The following ST6GALNAC3 variants were observed in gnomAD, a reference collection of about 807,000 sequenced individuals.
ST6GALNAC3 encodes ST6 N-acetylgalactosaminide alpha-2,6-sialyltransferase 3.
ST6GALNAC3 carries 25 observed loss-of-function variants against 32.7 expected under a neutral mutation model. The observed-to-expected ratio is 0.76, with a 90% CI of 0.56 to 1.07. The LOEUF is 1.07. Among genes scored for constraint, ST6GALNAC3 ranks in the 50% least tolerant of loss-of-function variants. ST6GALNAC3 has a pLI of 0.00. For missense variants in ST6GALNAC3, 355 were observed against 382.4 expected (o/e 0.93, Z 0.60); for synonymous variants, 129 against 133.1 (o/e 0.97, Z 0.21).
chr1:76,478,760 C>CTTTTTTTTTTTTT (rs397861238), intron 3 of ST6GALNAC3, among the ~76,000 whole-genome samples: 1 of 109,088 alleles, frequency 9.2e-6, no homozygotes, highest in Admixed American at 1.0e-4. Context: ...TTTATTAATT[C>CTTTTTTTTTTTTT]TTTTTTTTTT....
chr1:76,224,173 C>T (rs1044419219), intron 1 of ST6GALNAC3, among the ~76,000 whole-genome samples: 5 of 152,166 alleles, frequency 3.3e-5, no homozygotes, highest in African/African-American at 1.2e-4. Flanking sequence ...TTAGCTTTGC[C>T]TGTTGAAACC....
At chr1:76,227,026 T>A (rs1016675335) in intron 1 of ST6GALNAC3, among the ~76,000 whole-genome samples, 1 of 152,204 alleles carries the variant, frequency 6.6e-6, no homozygotes, top group Non-Finnish European at 1.5e-5. Flanking sequence ...AAGGTTTTTG[T>A]TGTTGTTGCT....
Position 76,632,359 on chromosome 1 carries a change from A to G in ST6GALNAC3, c.*3553A>G, listed in dbSNP as rs1411215847. 3 of 152,204 alleles carry G rather than the reference A, an allele frequency of 2.0e-5. No homozygotes were observed. The highest frequency in any genetic ancestry group is 4.4e-5 in the Non-Finnish European group (3 of 68,030). The allele number at this position is 152,204 out of a possible 1,614,324, so 9.4% of individuals were successfully genotyped here. ...GTTGTCACAAATCAGACTTGTAAGTATAGCAATCTGTATTGTAGGTTCTGC... is the reference window on the plus strand; with the variant it reads ...GTTGTCACAAATCAGACTTGTAAGTGTAGCAATCTGTATTGTAGGTTCTGC... On this transcript the variant is annotated 3_prime_UTR_variant, in exon 5 of 5. Coordinates refer to ENST00000328299, the MANE Select transcript of ST6GALNAC3 (RefSeq NM_152996.4).
chr1:76,431,692 A>T (rs531387683), intron 3 of ST6GALNAC3, among the ~76,000 whole-genome samples: 5 of 152,208 alleles, frequency 3.3e-5, no homozygotes, highest in African/African-American at 1.2e-4. Context: ...AAATTGCCTT[A>T]TTTGTTTTTT....
At chr1:76,429,172 A>G (rs1445812904) in intron 3 of ST6GALNAC3, among the ~76,000 whole-genome samples, 2 of 152,130 alleles carry the variant, frequency 1.3e-5, no homozygotes, top group African/African-American at 2.4e-5. Context: ...TAGAATTGTT[A>G]TACTGAATTC....
intron 1 of ST6GALNAC3, among the ~76,000 whole-genome samples, chr1:76,113,555 A>G (rs1311942758): frequency 6.6e-6 from 1 of 151,188 alleles, no homozygotes; most frequent in Non-Finnish European, 1.5e-5. Context: ...ATGGACACTC[A>G]GTGTGAATGT....
intron 1 of ST6GALNAC3, among the ~76,000 whole-genome samples, chr1:76,248,938 T>C (rs1657459882): frequency 6.6e-6 from 1 of 152,190 alleles, no homozygotes; most frequent in African/African-American, 2.4e-5. Flanking sequence ...CTTCTCAAAG[T>C]ACCGATTTAC....
chr1:76,173,356 A>G lies in ST6GALNAC3; in HGVS notation c.18+98472A>G, dbSNP rs139468184. On this transcript the variant is annotated intron_variant, in intron 1 of 4. Coordinates refer to ENST00000328299, the MANE Select transcript of ST6GALNAC3 (RefSeq NM_152996.4). ...CACTCAAGATGGATTAAATACTTAA[A>G]TGTAAAACTCAAAACCATAAAAACC... Among the ~76,000 whole-genome samples the G allele has an allele frequency of 3.9e-3, 591 of 152,362 alleles. 5 individuals carry two copies. The highest frequency in any genetic ancestry group is 0.013 in the African/African-American group (543 of 41,584).
At chr1:76,231,735 A>G (rs1190806422) in intron 1 of ST6GALNAC3, among the ~76,000 whole-genome samples, 1 of 152,120 alleles carries the variant, frequency 6.6e-6, no homozygotes, top group Non-Finnish European at 1.5e-5. Context: ...TCATCCATTC[A>G]TCTGTCAGTG....
chr1:76,223,257 G>A (rs546786), intron 1 of ST6GALNAC3, among the ~76,000 whole-genome samples: 25,021 of 152,126 alleles, frequency 0.16, 2,222 homozygotes, highest in African/African-American at 0.19. Flanking sequence ...GGATGGATCT[G>A]TAAGCCATTA....
chr1:76,162,098 A>G (rs1033918538), intron 1 of ST6GALNAC3, among the ~76,000 whole-genome samples: 3 of 152,190 alleles, frequency 2.0e-5, no homozygotes, highest in African/African-American at 7.2e-5. Flanking sequence ...TCATTGCCCA[A>G]ACTTACAGCT....
intron 2 of ST6GALNAC3, among the ~76,000 whole-genome samples, chr1:76,362,234 A>C (rs925074525): frequency 1.3e-5 from 2 of 152,058 alleles, no homozygotes; most frequent in Admixed American, 1.3e-4. Context: ...TCTCTTGACA[A>C]CTCACTCATT....
chr1:76,355,173 T>C (rs1352081946), intron 2 of ST6GALNAC3, among the ~76,000 whole-genome samples: 1 of 152,164 alleles, frequency 6.6e-6, no homozygotes, highest in Non-Finnish European at 1.5e-5. Flanking sequence ...GGAGATGCCA[T>C]GCGGTCAGAA....
intron 1 of ST6GALNAC3, among the ~76,000 whole-genome samples, chr1:76,266,718 C>T (rs1212901232): frequency 6.6e-6 from 1 of 152,136 alleles, no homozygotes; most frequent in East Asian, 1.9e-4. Flanking sequence ...CCACTTGCCA[C>T]CCTTTCTGTG....
intron 4 of ST6GALNAC3, 92 bp from the exon 5 acceptor site, chr1:76,628,528 T>C: frequency 1.1e-5 from 13 of 1,169,482 alleles, no homozygotes; most frequent in South Asian, 1.7e-5. Flanking sequence ...TGTGAGTAAA[T>C]GCATTTACTG....
At chr1:76,161,424 C>G (rs1435287644) in intron 1 of ST6GALNAC3, among the ~76,000 whole-genome samples, 1 of 152,170 alleles carries the variant, frequency 6.6e-6, no homozygotes, top group Non-Finnish European at 1.5e-5. Flanking sequence ...TTTCCTGACC[C>G]TTGCTGCTTG....
chr1:76,188,703 C>A (rs946994986), intron 1 of ST6GALNAC3, among the ~76,000 whole-genome samples: 1 of 152,130 alleles, frequency 6.6e-6, no homozygotes, highest in African/African-American at 2.4e-5. Flanking sequence ...TTGATTAATA[C>A]ATAAAAATGT....
intron 3 of ST6GALNAC3, chr1:76,413,127 T>A: frequency 5.3e-6 from 1 of 188,408 alleles, no homozygotes; most frequent in African/African-American, 2.4e-5. Context: ...TGCTTTCCCC[T>A]CCCCTTCCTT....
chr1:76,266,167 C>T (rs1367217190), intron 1 of ST6GALNAC3, among the ~76,000 whole-genome samples: 1 of 152,152 alleles, frequency 6.6e-6, no homozygotes, highest in Non-Finnish European at 1.5e-5. Context: ...TGTTATTGGG[C>T]ACCTTCTCTT....
Sources: allele counts gnomAD v4.1 joint callset (sites outside exome capture counted in the v4.1 genomes callset), GRCh38; gene constraint gnomAD v4.1.1; transcripts MANE v1.5; gene names NCBI Gene and HGNC (gene_info 2026-07-23, HGNC 2026-07-21).